Variants in ORC4 observed in about 807,000 individuals in gnomAD.
ORC4 encodes the protein origin recognition complex, subunit 4 homolog.
In ORC4, 55 loss-of-function variants were observed where a neutral mutation model predicts 63.9. That is an observed-to-expected ratio of 0.86 (90% CI 0.69 to 1.08). The LOEUF is 1.08. Ranked by LOEUF, ORC4 falls within the 50% of genes least tolerant of loss-of-function variation. The probability of loss-of-function intolerance (pLI) is 0.00; values close to 1 mark genes in which losing one functional copy is unlikely to be tolerated. For missense variants in ORC4, 511 were observed against 504.4 expected, an observed-to-expected ratio of 1.01 and a Z score of -0.13; for synonymous variants, 150 against 168.5, an observed-to-expected ratio of 0.89 and a Z score of 0.85.
intron 6 of ORC4, among the ~76,000 whole-genome samples, chr2:147,955,929 C>G (rs933055736): frequency 6.6e-6 from 1 of 151,866 alleles, no homozygotes; most frequent in African/African-American, 2.4e-5. Flanking sequence ...CAAGAGTATA[C>G]TGAAGAATTT....
chr2:148,000,462 G>C (rs989671074), intron 1 of ORC4, among the ~76,000 whole-genome samples: 2 of 152,070 alleles, frequency 1.3e-5, no homozygotes, highest in African/African-American at 4.8e-5. Flanking sequence ...TTTATAATTT[G>C]AAAGCCAGCT....
At chr2:147,980,370 A>AGGTT (rs1347314430) in intron 1 of ORC4, among the ~76,000 whole-genome samples, 7 of 152,168 alleles carry the variant, frequency 4.6e-5, no homozygotes, top group African/African-American at 1.7e-4. Flanking sequence ...GTTATACGCT[A>AGGTT]ATACCATGCC....
intron 9 of ORC4, among the ~76,000 whole-genome samples, chr2:147,943,806 T>A (rs982324385): frequency 6.6e-6 from 1 of 152,100 alleles, no homozygotes; most frequent in African/African-American, 2.4e-5. Context: ...TACTACACAG[T>A]CATACTAGTG....
intron 1 of ORC4, among the ~76,000 whole-genome samples, chr2:148,017,921 C>T (rs1200347398): frequency 6.6e-6 from 1 of 152,146 alleles, no homozygotes; most frequent in Non-Finnish European, 1.5e-5. Context: ...AAGCATAGAA[C>T]TTGTTATCTG....
At chr2:147,952,570 C>G (rs1266858191) in intron 7 of ORC4, 46 bp from the exon 8 acceptor site, 3 of 1,438,816 alleles carry the variant, frequency 2.1e-6, no homozygotes, top group Non-Finnish European at 9.8e-7. Flanking sequence ...TTATATCCAC[C>G]TTTCCTAAAT....
intron 2 of ORC4, among the ~76,000 whole-genome samples, chr2:147,974,132 T>C (rs1407711330): frequency 6.6e-6 from 1 of 152,112 alleles, no homozygotes; most frequent in African/African-American, 2.4e-5. Context: ...TGAGTTCTTG[T>C]TCCATGTACA....
chr2:147,992,411 T>C (rs1422197548), intron 1 of ORC4, among the ~76,000 whole-genome samples: 3 of 152,130 alleles, frequency 2.0e-5, no homozygotes, highest in East Asian at 1.9e-4. Flanking sequence ...TGTGAGGTAC[T>C]GCCCCTGACA....
intron 1 of ORC4, among the ~76,000 whole-genome samples, chr2:147,990,172 G>GT (rs774689082): frequency 1.2e-4 from 18 of 152,134 alleles, no homozygotes; most frequent in Non-Finnish European, 2.5e-4. Flanking sequence ...TCAAAGATAG[G>GT]TAAGTATGGA....
rs1484103068 is a variant in ORC4 at position 147,935,273 on chromosome 2, A to C, written c.*237T>G. The C allele has an allele frequency of 1.9e-6, 1 of 531,692 alleles. No homozygotes were observed. The highest frequency in any genetic ancestry group is 3.4e-6 in the Non-Finnish European group (1 of 294,960). The allele number at this position is 531,692 out of a possible 1,614,324, so 32.9% of individuals were successfully genotyped here. On this transcript the variant is annotated 3_prime_UTR_variant, in exon 14 of 14. Coordinates refer to ENST00000392857, the MANE Select transcript of ORC4 (RefSeq NM_181741.4). ...AAGCACATGGTCTAGTCCCTAAAACAGTCATATTTTATTCTTCTGAACAGC... is the reference window on the plus strand; with the variant it reads ...AAGCACATGGTCTAGTCCCTAAAACCGTCATATTTTATTCTTCTGAACAGC...
chr2:147,966,134 G>C (rs1048576805), intron 4 of ORC4, among the ~76,000 whole-genome samples: 2 of 151,928 alleles, frequency 1.3e-5, no homozygotes, highest in Admixed American at 6.5e-5. Context: ...ATGGGCAAAA[G>C]AAATTAAGAA....
intron 1 of ORC4, among the ~76,000 whole-genome samples, chr2:147,991,088 G>A (rs529344226): frequency 1.1e-3 from 157 of 141,718 alleles, no homozygotes; most frequent in Non-Finnish European, 1.5e-3. Flanking sequence ...TCACTCTGTC[G>A]CCTGGCTGGA....
At chr2:147,996,305 A>AAAAC (rs200639020) in intron 1 of ORC4, among the ~76,000 whole-genome samples, 279 of 152,330 alleles carry the variant, frequency 1.8e-3, no homozygotes, top group African/African-American at 1.8e-3. Flanking sequence ...TCCATCTCAA[A>AAAAC]AAACAAACAA....
rs1445265639 is a variant in ORC4, at chr2:147,930,764, C to T, written c.*4746G>A. 2 of 151,798 alleles carry T rather than the reference C, an allele frequency of 1.3e-5. No individual in the cohort carries two copies. The highest frequency in any genetic ancestry group is 2.4e-5 in the African/African-American group (1 of 41,212). 9.4% of individuals were successfully genotyped at this position (151,798 alleles called of 1,614,324 possible). Reference sequence around the variant, plus strand: ...GGATAAGTGATTGTTAAATATTGTACAAATAAAATGTATGCTATCCCCATT... The same window carrying T: ...GGATAAGTGATTGTTAAATATTGTATAAATAAAATGTATGCTATCCCCATT... On this transcript the variant is annotated 3_prime_UTR_variant, in exon 14 of 14. Transcript: ENST00000392857.
intron 1 of ORC4, among the ~76,000 whole-genome samples, chr2:147,998,950 A>C (rs1363208546): frequency 6.6e-6 from 1 of 152,162 alleles, no homozygotes; most frequent in Non-Finnish European, 1.5e-5. Context: ...GGATGGGAAC[A>C]GCTGTCAATT....
At chr2:147,999,337 G>T (rs902639840) in intron 1 of ORC4, among the ~76,000 whole-genome samples, 1 of 152,132 alleles carries the variant, frequency 6.6e-6, no homozygotes, top group Admixed American at 6.6e-5. Context: ...TTAAGAGAGT[G>T]TTTATATATT....
Position 147,952,477 on chromosome 2 carries a change from CA to C in ORC4, c.483del (p.Phe161LeufsTer27). ...TGGTTTTTATGATGAGCAAAAAGAT[CA>C]AATTCATCTAATATGAAGATCACTG... ...SCPVIFILDE[F>X]DLFAHHKNQT... is the part of the protein sequence containing the mutation. On this transcript the variant is annotated frameshift_variant, in exon 8 of 14. Transcript: ENST00000392857. LOFTEE classifies it high-confidence loss of function. 2 of 1,611,198 alleles carry C rather than the reference CA, an allele frequency of 1.2e-6. No individual in the cohort carries two copies. The highest frequency in any genetic ancestry group is 1.7e-6 in the Non-Finnish European group (2 of 1,177,540).
At chr2:148,002,651 A>G (rs961547260) in intron 1 of ORC4, among the ~76,000 whole-genome samples, 6 of 152,094 alleles carry the variant, frequency 3.9e-5, no homozygotes, top group African/African-American at 1.4e-4. Flanking sequence ...ATGCCCACAG[A>G]AGAAAGCAGA....
chr2:147,955,269 C>G (rs1396169958), intron 7 of ORC4, 78 bp downstream of exon 7: 1 of 943,822 alleles, frequency 1.1e-6, no homozygotes, highest in Non-Finnish European at 1.6e-6. Flanking sequence ...TTGGCAAAAG[C>G]TTGTATTACC....
chr2:147,962,757 C>T (rs1183962702), intron 4 of ORC4, among the ~76,000 whole-genome samples: 2 of 152,034 alleles, frequency 1.3e-5, no homozygotes, highest in African/African-American at 4.8e-5. Context: ...GGCTATGCAC[C>T]CACACTCAGA....
Sources: allele counts gnomAD v4.1 joint callset (sites outside exome capture counted in the v4.1 genomes callset), GRCh38; gene constraint gnomAD v4.1.1; transcripts MANE v1.5; gene names NCBI Gene and HGNC (gene_info 2026-07-23, HGNC 2026-07-21).